Variants in HSPA4 observed in about 807,000 individuals in gnomAD.
HSPA4 encodes the protein heat shock protein family A (Hsp70) member 4.
A neutral mutation model predicts 106.2 loss-of-function variants in HSPA4; 25 were observed. That is an observed-to-expected ratio of 0.24 (90% CI 0.17 to 0.33). The LOEUF is 0.33. Ranked by LOEUF, HSPA4 falls within the 10% of genes least tolerant of loss-of-function variation. The pLI is 1.00. For missense variants in HSPA4, 841 were observed against 996.0 expected, an observed-to-expected ratio of 0.84 and a Z score of 2.10; for synonymous variants, 332 against 333.6, an observed-to-expected ratio of 1.00 and a Z score of 0.05.
At chr5:133,092,203 T>C (rs567153627) in intron 12 of HSPA4, among the ~76,000 whole-genome samples, 144 of 152,278 alleles carry the variant, frequency 9.5e-4, no homozygotes, top group African/African-American at 3.3e-3. Flanking sequence ...CCACAAACCT[T>C]CTTTCATTGT....
At chr5:133,082,646 TG>T (rs1368352902) in intron 7 of HSPA4, among the ~76,000 whole-genome samples, 9 of 151,970 alleles carry the variant, frequency 5.9e-5, no homozygotes, top group Non-Finnish European at 8.8e-5. Flanking sequence ...TTGTATTTTT[TG>T]TAGAGACAGG....
chr5:133,070,906 GA>G (rs11285757), intron 4 of HSPA4, among the ~76,000 whole-genome samples: 35,507 of 150,438 alleles, frequency 0.24, 4,323 homozygotes, highest in Middle Eastern at 0.26. Flanking sequence ...CTGTTTCAAA[GA>G]AAAAAAAAAT....
At chr5:133,055,516 G>T (rs1187979055) in intron 1 of HSPA4, among the ~76,000 whole-genome samples, 1 of 151,910 alleles carries the variant, frequency 6.6e-6, no homozygotes, top group Non-Finnish European at 1.5e-5. Context: ...AGGAGCCAGT[G>T]GAGTCTCATC....
rs35853823 is a variant in HSPA4 at position 133,076,852 on chromosome 5, A to G, written c.862A>G (p.Ile288Val). 96 of 1,611,862 alleles carry G rather than the reference A, an allele frequency of 6.0e-5. No homozygotes were observed. The African/African-American group carries it at 1.2e-3, about 20-fold the overall frequency. ...AAATGCTTCAGATCTCCCTTTGAGC[A>G]TTGAATGTTTTATGAATGATGTTGA... ...SANASDLPLS[I>V]ECFMNDVDVS... The change falls in exon 7 of 19, where the codon ATT (isoleucine) becomes GTT (valine). Residue 288 changes from isoleucine to valine, a missense_variant. By Grantham distance (29) the Ile-to-Val change is conservative. Around this residue, in one of 5 missense-constraint regions of HSPA4, gnomAD observed 347 missense variants for 408.7 expected, o/e 0.85. Coordinates refer to ENST00000304858, the MANE Select transcript of HSPA4 (RefSeq NM_002154.4).
intron 7 of HSPA4, among the ~76,000 whole-genome samples, chr5:133,085,454 C>T (rs1274591454): frequency 7.2e-6 from 1 of 139,780 alleles, no homozygotes; most frequent in African/African-American, 2.9e-5. Context: ...GAGTTCAAGA[C>T]CAGCCTGACC....
At chr5:133,073,564 G>T (rs577996812) in intron 5 of HSPA4, among the ~76,000 whole-genome samples, 2 of 152,318 alleles carry the variant, frequency 1.3e-5, no homozygotes, top group East Asian at 3.9e-4. Context: ...TGTTGGGGAA[G>T]GAGAACACTT....
intron 7 of HSPA4, among the ~76,000 whole-genome samples, chr5:133,085,980 G>A (rs187865830): frequency 6.6e-6 from 1 of 152,258 alleles, no homozygotes; most frequent in East Asian, 1.9e-4. Context: ...GAGTGAGGAG[G>A]GGATGTATGG....
At chr5:133,066,709 A>G (rs1581467095) in intron 2 of HSPA4, among the ~76,000 whole-genome samples, 1 of 146,852 alleles carries the variant, frequency 6.8e-6, no homozygotes, top group African/African-American at 2.5e-5. Flanking sequence ...AATTTGTTTC[A>G]CTGGAATTTT....
chr5:133,082,996 G>A (rs1765532923), intron 7 of HSPA4, among the ~76,000 whole-genome samples: 1 of 151,834 alleles, frequency 6.6e-6, no homozygotes, highest in Non-Finnish European at 1.5e-5. Context: ...TTAGCCGGGT[G>A]TAGTGGTGGG....
At chr5:133,063,411 G>T (rs1421302186) in intron 1 of HSPA4, among the ~76,000 whole-genome samples, 2 of 151,894 alleles carry the variant, frequency 1.3e-5, no homozygotes, top group Non-Finnish European at 2.9e-5. Context: ...GAGCCACTGC[G>T]CCCAGCCAAA....
At chr5:133,093,418 A>G (rs1189749101) in intron 13 of HSPA4, among the ~76,000 whole-genome samples, 2 of 152,154 alleles carry the variant, frequency 1.3e-5, no homozygotes, top group Non-Finnish European at 2.9e-5. Context: ...CCATAATTTA[A>G]TTCATTACTG....
chr5:133,076,755 C>T lies in HSPA4; in HGVS notation c.765C>T (p.Asp255=), dbSNP rs911719796. ...CEEFGKKYKL[D]IKSKIRALLR... ...AATTTGGGAAGAAATACAAGCTAGA[C>T]ATTAAGTCCAAAATCCGTGCATTAT... Residue 255 remains aspartate (D), a synonymous_variant, in exon 7 of 19, where the codon GAC becomes GAT. Transcript: ENST00000304858. 3 of 1,613,910 alleles carry T rather than the reference C, an allele frequency of 1.9e-6. No individual in the cohort carries two copies. Among genetic ancestry groups the T allele is most frequent in the Non-Finnish European group, 2.5e-6 (3 of 1,179,886 alleles).
chr5:133,103,080 G>T, intron 17 of HSPA4, among the ~76,000 whole-genome samples: 1 of 149,990 alleles, frequency 6.7e-6, no homozygotes, highest in African/African-American at 2.5e-5. Flanking sequence ...TCTTTTTTGT[G>T]AGACAGGGTC....
In HSPA4 at chr5:133,106,102, A is replaced by ATTTTTTTTTTTTTTT. The variant is rs70974072; in HGVS notation, c.*1690_*1704dup. The ATTTTTTTTTTTTTTT allele has an allele frequency of 7.0e-5, 4 of 57,162 alleles. No homozygotes were observed. The highest frequency in any genetic ancestry group is 9.3e-5 in the Non-Finnish European group (3 of 32,404). The allele number at this position is 57,162 out of a possible 1,614,324, so 3.5% of individuals were successfully genotyped here. ...GCCATTTCTTCTTAAAAAAAAAAAA[A>ATTTTTTTTTTTTTTT]TTTTTTTTTTTTTTTTTTTTTTTTT... On this transcript the variant is annotated 3_prime_UTR_variant, in exon 19 of 19. Transcript: ENST00000304858.
At position 133,091,200 on chromosome 5, in the gene HSPA4, T is replaced by C; in HGVS notation, c.1386T>C (p.Phe462=). 1 of 1,613,894 alleles carries C rather than the reference T, an allele frequency of 6.2e-7. No individual in the cohort carries two copies. Among genetic ancestry groups the C allele is most frequent in the Non-Finnish European group, 8.5e-7 (1 of 1,179,780 alleles). Residue 462 remains phenylalanine, a synonymous_variant, in exon 12 of 19, where the codon TTT becomes TTC. Transcript: ENST00000304858. The part of the protein sequence containing the change: ...LPYPDPAIAQ[F]SVQKVTPQSD... Reference sequence around the variant, plus strand: ...TCTCTCGTATGTCCCTAGCTCAGTTTTCAGTTCAGAAAGTCACTCCTCAGT... The same window carrying C: ...TCTCTCGTATGTCCCTAGCTCAGTTCTCAGTTCAGAAAGTCACTCCTCAGT...
rs907233282 is a variant in HSPA4, at chr5:133,105,062, G to C, written c.*626G>C. On this transcript the variant is annotated 3_prime_UTR_variant, in exon 19 of 19. Coordinates refer to ENST00000304858, the MANE Select transcript of HSPA4 (RefSeq NM_002154.4). ...TTGGGAAAATAGACCCCCTTGCCTA[G>C]AGTAAGTTGTTAACTGAGGGCTTTA... The C allele has an allele frequency of 6.6e-6, 1 of 151,950 alleles. No individual in the cohort carries two copies. Among genetic ancestry groups the C allele is most frequent in the Non-Finnish European group, 1.5e-5 (1 of 68,128 alleles). The allele number at this position is 151,950 out of a possible 1,614,324, so 9.4% of individuals were successfully genotyped here.
Position 133,064,999 on chromosome 5 carries a change from C to G in HSPA4, c.127C>G (p.Pro43Ala), listed in dbSNP as rs1237853903. The change falls in exon 2 of 19, where the codon CCT becomes GCT. Residue 43 changes from proline to alanine, a missense_variant. Pro to Ala is a conservative substitution (Grantham distance 27, BLOSUM62 -1). This residue lies in a region of HSPA4 where 347 missense variants were observed against 408.7 expected (regional missense o/e 0.85). Transcript: ENST00000304858. Reference sequence around the variant, plus strand: ...TTCTAGGGCTTGCATTTCTTTTGGTCCTAAGAATCGTTCAATTGGAGCAGC... The same window carrying G: ...TTCTAGGGCTTGCATTTCTTTTGGTGCTAAGAATCGTTCAATTGGAGCAGC... ...RCTPACISFG[P>A]KNRSIGAAAK... 1.9e-6 allele frequency: 3 copies of G among 1,613,710 alleles called. No individual in the cohort carries two copies. The highest frequency in any genetic ancestry group is 2.2e-5 in the East Asian group (1 of 44,880).
Position 133,093,106 on chromosome 5 carries a change from C to T in HSPA4, c.1650+317C>T, listed in dbSNP as rs542006987. Among the ~76,000 whole-genome samples, 3 of 151,690 alleles carry T rather than the reference C, an allele frequency of 2.0e-5. No homozygotes were observed. In the South Asian group the frequency reaches 6.3e-4, roughly 32 times the overall value. On this transcript the variant is annotated intron_variant, in intron 13 of 18. Transcript: ENST00000304858. ...TTGTCCTCCCAAAGTGCTAGTATTA[C>T]AGGCGTGAGCCACCACACCCGGCTG...
At chr5:133,062,066 A>G (rs1765252032) in intron 1 of HSPA4, among the ~76,000 whole-genome samples, 1 of 152,208 alleles carries the variant, frequency 6.6e-6, no homozygotes, top group South Asian at 2.1e-4. Context: ...AAGCAGGAAG[A>G]TTGGGATACT....
Sources: gnomAD v4.1 joint callset for allele counts (sites outside exome capture counted in the v4.1 genomes callset) on GRCh38, gnomAD v4.1.1 for gene constraint, gnomAD v4.1.1 regional missense constraint, MANE v1.5 for transcripts, NCBI Gene and HGNC (gene_info 2026-07-23, HGNC 2026-07-21) for gene names.